The following MAGI2 variants were observed in gnomAD, a reference collection of about 807,000 sequenced individuals.
MAGI2 encodes membrane-associated guanylate kinase, WW and PDZ domain-containing protein 2.
A neutral mutation model predicts 133.3 loss-of-function variants in MAGI2; 35 were observed. That is an observed-to-expected ratio of 0.26 (90% CI 0.20 to 0.35). The LOEUF (loss-of-function observed/expected upper bound fraction) is 0.35, where lower values mean the gene tolerates loss of function less well. MAGI2 is among the 10% of genes least tolerant of loss of function. The probability of loss-of-function intolerance (pLI) is 1.00; values close to 1 mark genes in which losing one functional copy is unlikely to be tolerated. For synonymous variants in MAGI2, 729 were observed against 710.6 expected (o/e 1.03, Z -0.41); for missense variants, 1,636 against 1,863.4 (o/e 0.88, Z 2.25).
chr7:78,077,732 T>G (rs1815499467), intron 21 of MAGI2, among the ~76,000 whole-genome samples: 1 of 146,138 alleles, frequency 6.8e-6, no homozygotes. Context: ...AATGTTTTTT[T>G]TTTTTTTTTT....
At chr7:78,292,902 C>T (rs532975717) in intron 9 of MAGI2, among the ~76,000 whole-genome samples, 20 of 152,190 alleles carry the variant, frequency 1.3e-4, no homozygotes, top group Admixed American at 3.9e-4. Flanking sequence ...TGAAACTGGA[C>T]CCCTTCCTTA....
chr7:79,258,421 T>C (rs1468701117), intron 1 of MAGI2, among the ~76,000 whole-genome samples: 1 of 152,138 alleles, frequency 6.6e-6, no homozygotes, highest in Non-Finnish European at 1.5e-5. Flanking sequence ...TCAAACCAAA[T>C]AAACCTTCTT....
chr7:78,786,016 C>G (rs1295666659), intron 2 of MAGI2, among the ~76,000 whole-genome samples: 4 of 152,058 alleles, frequency 2.6e-5, no homozygotes, highest in African/African-American at 9.7e-5. Flanking sequence ...GAGGAGGTGT[C>G]TACTGGACAT....
intron 2 of MAGI2, among the ~76,000 whole-genome samples, chr7:78,745,773 T>C (rs1822871647): frequency 6.6e-6 from 1 of 152,182 alleles, no homozygotes; most frequent in African/African-American, 2.4e-5. Context: ...AAGAAGTGAA[T>C]ACAACATTAC....
At chr7:78,266,147 T>C (rs1354726027) in intron 9 of MAGI2, among the ~76,000 whole-genome samples, 22 of 152,228 alleles carry the variant, frequency 1.4e-4, no homozygotes, top group Admixed American at 1.4e-3. Context: ...TGTGTGTATG[T>C]GTGTGTTTAC....
chr7:79,102,440 A>G (rs936258872), intron 1 of MAGI2, among the ~76,000 whole-genome samples: 6 of 152,074 alleles, frequency 3.9e-5, no homozygotes, highest in African/African-American at 1.2e-4. Flanking sequence ...CTTTCCTTCC[A>G]TCTCTTTCTT....
intron 1 of MAGI2, among the ~76,000 whole-genome samples, chr7:79,405,280 A>G (rs1845729612): frequency 6.6e-6 from 1 of 152,172 alleles, no homozygotes; most frequent in African/African-American, 2.4e-5. Context: ...GTTAGGGGTT[A>G]GCGTGAAGGA....
chr7:78,925,333 C>T (rs1799612198), intron 2 of MAGI2, among the ~76,000 whole-genome samples: 1 of 151,964 alleles, frequency 6.6e-6, no homozygotes, highest in Admixed American at 6.6e-5. Context: ...GTCTGAAAAG[C>T]CAGGTTACAG....
chr7:79,285,279 AT>A lies in MAGI2; in HGVS notation c.301+167740del, dbSNP rs1835918952. ...TAATAGCATAAACTAACACTGTCTG[AT>A]TTTAAATATGACAACCAAAGATTCT... On this transcript the variant is annotated intron_variant, in intron 1 of 21. Coordinates refer to ENST00000354212, the MANE Select transcript of MAGI2 (RefSeq NM_012301.4). Among the ~76,000 whole-genome samples, 3 of 152,134 alleles carry A rather than the reference AT, an allele frequency of 2.0e-5. No homozygotes were observed. In the South Asian group the frequency reaches 6.2e-4, roughly 31 times the overall value.
intron 2 of MAGI2, among the ~76,000 whole-genome samples, chr7:78,806,509 A>G (rs564234294): frequency 2.0e-4 from 30 of 152,252 alleles, no homozygotes; most frequent in African/African-American, 7.2e-4. Context: ...GAATCACATG[A>G]TATTATACAA....
At chr7:78,738,841 A>G (rs911899442) in intron 2 of MAGI2, among the ~76,000 whole-genome samples, 5 of 152,236 alleles carry the variant, frequency 3.3e-5, no homozygotes, top group Admixed American at 3.3e-4. Flanking sequence ...AGAAATCTGT[A>G]GCATGGCAGC....
intron 1 of MAGI2, among the ~76,000 whole-genome samples, chr7:79,318,430 A>T (rs1838912946): frequency 6.6e-6 from 1 of 152,228 alleles, no homozygotes; most frequent in Non-Finnish European, 1.5e-5. Context: ...TTGATAGATA[A>T]ATGGAATAAA....
intron 1 of MAGI2, among the ~76,000 whole-genome samples, chr7:79,297,560 C>A (rs1837036654): frequency 6.6e-6 from 1 of 151,980 alleles, no homozygotes; most frequent in Non-Finnish European, 1.5e-5. Flanking sequence ...TGCAGTCTAC[C>A]CAGTACTCTT....
intron 2 of MAGI2, among the ~76,000 whole-genome samples, chr7:78,932,344 A>G (rs1800199910): frequency 1.3e-5 from 2 of 152,126 alleles, no homozygotes; most frequent in Non-Finnish European, 2.9e-5. Context: ...ATATTTTTCT[A>G]TAGCACAGGA....
At chr7:78,899,886 T>C (rs569947962) in intron 2 of MAGI2, among the ~76,000 whole-genome samples, 1 of 152,296 alleles carries the variant, frequency 6.6e-6, no homozygotes, top group South Asian at 2.1e-4. Flanking sequence ...ATTTGTTCAC[T>C]TGCCAAAAGA....
intron 6 of MAGI2, among the ~76,000 whole-genome samples, chr7:78,449,615 A>G (rs1428334948): frequency 6.6e-6 from 1 of 152,116 alleles, no homozygotes; most frequent in East Asian, 1.9e-4. Context: ...TTTTGTATAG[A>G]ATAAGTACCT....
At chr7:78,327,482 G>A (rs950151082) in intron 9 of MAGI2, among the ~76,000 whole-genome samples, 3 of 152,086 alleles carry the variant, frequency 2.0e-5, no homozygotes, top group South Asian at 4.2e-4. Flanking sequence ...TCTTTTTCAC[G>A]CAGATGGTTG....
chr7:78,476,280 G>C (rs768533413), intron 6 of MAGI2, among the ~76,000 whole-genome samples: 1 of 151,942 alleles, frequency 6.6e-6, no homozygotes, highest in Non-Finnish European at 1.5e-5. Context: ...CTGGGCTGGG[G>C]TTGAGAGTAA....
intron 2 of MAGI2, among the ~76,000 whole-genome samples, chr7:78,796,094 A>T (rs1583922231): frequency 6.6e-6 from 1 of 152,130 alleles, no homozygotes; most frequent in East Asian, 1.9e-4. Context: ...TTGGGGTGAG[A>T]CCTCAAAAGC....
Sources: allele counts gnomAD v4.1 joint callset (sites outside exome capture counted in the v4.1 genomes callset), GRCh38; gene constraint gnomAD v4.1.1; transcripts MANE v1.5; gene names NCBI Gene and HGNC (gene_info 2026-07-23, HGNC 2026-07-21).